Variants in TMEM117 observed in about 807,000 individuals in gnomAD.
TMEM117 encodes the protein transmembrane protein 117.
Under a neutral mutation model 52.4 loss-of-function variants are expected in TMEM117, and 27 were observed. The ratio of observed to expected loss-of-function variants is 0.51; its 90% CI spans 0.38 to 0.71. The LOEUF is 0.71. Ranked by LOEUF, TMEM117 falls within the 30% of genes least tolerant of loss-of-function variation. The probability of loss-of-function intolerance (pLI) is 0.00; values close to 1 mark genes in which losing one functional copy is unlikely to be tolerated. For missense variants in TMEM117, 556 were observed against 630.5 expected (o/e 0.88, Z 1.26); for synonymous variants, 215 against 206.3 (o/e 1.04, Z -0.36).
At position 44,388,008 on chromosome 12, in the gene TMEM117, A is replaced by G; in HGVS notation, c.899-18A>G. Reference sequence around the variant, plus strand: ...TTTATGGCCCTTTGATTAATGCAGTATTTCTTTTTTAATGCAGGCAAATGG... The same window carrying G: ...TTTATGGCCCTTTGATTAATGCAGTGTTTCTTTTTTAATGCAGGCAAATGG... On this transcript the variant is annotated intron_variant, in intron 7 of 7. Transcript: ENST00000266534. 13 of 1,589,978 alleles carry G rather than the reference A, an allele frequency of 8.2e-6. No individual in the cohort carries two copies. The highest frequency in any genetic ancestry group is 1.1e-5 in the Non-Finnish European group (13 of 1,169,426).
At position 44,261,089 on chromosome 12, in the gene TMEM117, G is replaced by A. The variant is rs78663439; in HGVS notation, c.609-38491G>A. 5.1e-3 allele frequency among the ~76,000 whole-genome samples: 773 copies of A among 152,058 alleles called. 6 individuals carry two copies. The highest frequency in any genetic ancestry group is 0.018 in the African/African-American group (731 of 41,458). On this transcript the variant is annotated intron_variant, in intron 5 of 7. Coordinates refer to ENST00000266534, the MANE Select transcript of TMEM117 (RefSeq NM_032256.3). ...GAGTATATACAAGTTACATTAATGC[G>A]TATTGGATCTTTGGTCCATCTTAAA...
chr12:44,046,517 C>T (rs1056470459), intron 3 of TMEM117, among the ~76,000 whole-genome samples: 3 of 152,154 alleles, frequency 2.0e-5, no homozygotes, highest in Non-Finnish European at 4.4e-5. Context: ...TCAGGCAGGA[C>T]TACAAATGAC....
chr12:44,023,581 A>T (rs1040449977), intron 3 of TMEM117, among the ~76,000 whole-genome samples: 21 of 151,924 alleles, frequency 1.4e-4, no homozygotes, highest in African/African-American at 5.1e-4. Flanking sequence ...GCCAGTGATG[A>T]TGAGCATTTT....
At chr12:44,364,651 C>G (rs1225381542) in intron 6 of TMEM117, among the ~76,000 whole-genome samples, 4 of 152,020 alleles carry the variant, frequency 2.6e-5, no homozygotes, top group Non-Finnish European at 5.9e-5. Context: ...TGAAGGGCTT[C>G]TTGTAACACA....
At chr12:44,213,722 T>A (rs1378819240) in intron 5 of TMEM117, among the ~76,000 whole-genome samples, 6 of 152,190 alleles carry the variant, frequency 3.9e-5, no homozygotes, top group Non-Finnish European at 8.8e-5. Context: ...TCCACGTTTG[T>A]TTGGCACTTC....
chr12:43,853,262 T>C (rs962009353), intron 2 of TMEM117, among the ~76,000 whole-genome samples: 2 of 152,204 alleles, frequency 1.3e-5, no homozygotes, highest in Admixed American at 1.3e-4. Flanking sequence ...CCTTTACATG[T>C]TGTCTTTGCC....
chr12:43,798,680 T>C, the TMEM117 span: 1 of 1,283,050 alleles, frequency 7.8e-7, no homozygotes, highest in Non-Finnish European at 1.1e-6. Context: ...TAAAATAATA[T>C]GATAGATCCT....
At position 44,386,261 on chromosome 12, in the gene TMEM117, C is replaced by T. The variant is rs568209046; in HGVS notation, c.899-1765C>T. On this transcript the variant is annotated intron_variant, in intron 7 of 7. Coordinates refer to ENST00000266534, the MANE Select transcript of TMEM117 (RefSeq NM_032256.3). ...TCAGCATCTACCAGTGTGTTCTACA[C>T]GGAGTCTGTTATGGTTGATCTTTAA... 5.0e-4 allele frequency among the ~76,000 whole-genome samples: 76 copies of T among 152,208 alleles called. 1 individual carries two copies. The East Asian group carries it at 5.0e-3, about 10-fold the overall frequency.
chr12:44,315,219 C>T (rs1456836582), intron 6 of TMEM117, among the ~76,000 whole-genome samples: 1 of 152,042 alleles, frequency 6.6e-6, no homozygotes, highest in Non-Finnish European at 1.5e-5. Context: ...TTCATTGATG[C>T]TTTGTATGGA....
intron 5 of TMEM117, among the ~76,000 whole-genome samples, chr12:44,276,826 C>T (rs1164849232): frequency 6.6e-6 from 1 of 151,692 alleles, no homozygotes; most frequent in African/African-American, 2.4e-5. Flanking sequence ...TTAGTGTGAG[C>T]TATGTCTATT....
At chr12:44,115,924 G>A (rs1280199814) in intron 3 of TMEM117, among the ~76,000 whole-genome samples, 1 of 152,128 alleles carries the variant, frequency 6.6e-6, no homozygotes, top group Non-Finnish European at 1.5e-5. Flanking sequence ...CATTGCTTAA[G>A]CCTATGTTGC....
chr12:44,000,107 A>G (rs1946092637), intron 3 of TMEM117, among the ~76,000 whole-genome samples: 3 of 152,160 alleles, frequency 2.0e-5, no homozygotes, highest in Admixed American at 1.3e-4. Flanking sequence ...TTTCCTTCCC[A>G]GCCTTTCCTC....
At chr12:43,959,973 T>TCC (rs1945375427) in intron 3 of TMEM117, among the ~76,000 whole-genome samples, 1 of 152,068 alleles carries the variant, frequency 6.6e-6, no homozygotes, top group Non-Finnish European at 1.5e-5. Flanking sequence ...CAGGAGCTAG[T>TCC]GTGGGAAGAG....
chr12:44,090,235 G>A (rs1016672689), intron 3 of TMEM117, among the ~76,000 whole-genome samples: 1 of 151,960 alleles, frequency 6.6e-6, no homozygotes, highest in African/African-American at 2.4e-5. Context: ...ATTGTTACGT[G>A]TGTGATGCTG....
At chr12:43,981,392 G>A (rs1475392609) in intron 3 of TMEM117, among the ~76,000 whole-genome samples, 3 of 152,300 alleles carry the variant, frequency 2.0e-5, no homozygotes, top group Middle Eastern at 3.4e-3. Flanking sequence ...GTATAGTGCT[G>A]GAGCACAGAA....
intron 3 of TMEM117, among the ~76,000 whole-genome samples, chr12:44,073,111 A>G (rs1176493867): frequency 6.6e-6 from 1 of 151,616 alleles, no homozygotes; most frequent in Non-Finnish European, 1.5e-5. Context: ...AAACAACAAA[A>G]AAACAACCCA....
At chr12:44,180,187 T>A (rs1197756259) in intron 4 of TMEM117, among the ~76,000 whole-genome samples, 1 of 152,130 alleles carries the variant, frequency 6.6e-6, no homozygotes, top group Non-Finnish European at 1.5e-5. Flanking sequence ...CACACATTTA[T>A]GGTAGACAGT....
chr12:44,360,834 T>C (rs111648171), intron 6 of TMEM117, among the ~76,000 whole-genome samples: 3,160 of 152,260 alleles, frequency 0.021, 49 homozygotes, highest in Middle Eastern at 0.071. Context: ...TGAAGTCACA[T>C]ACCCCTTTTT....
chr12:43,964,400 A>G (rs955236814), intron 3 of TMEM117, among the ~76,000 whole-genome samples: 19 of 152,168 alleles, frequency 1.2e-4, no homozygotes, highest in African/African-American at 4.1e-4. Context: ...AAGGGATTAT[A>G]TACTTCCTGA....
Sources: allele counts gnomAD v4.1 joint callset (sites outside exome capture counted in the v4.1 genomes callset), GRCh38; gene constraint gnomAD v4.1.1; transcripts MANE v1.5; gene names NCBI Gene and HGNC (gene_info 2026-07-23, HGNC 2026-07-21).